The following CDH23 variants were observed in gnomAD, a reference collection of about 807,000 sequenced individuals.
CDH23 encodes the protein cadherin-23.
In CDH23, 189 loss-of-function variants were observed where a neutral mutation model predicts 317.1. The ratio of observed to expected loss-of-function variants is 0.60; its 90% CI spans 0.53 to 0.67. The LOEUF (loss-of-function observed/expected upper bound fraction) is 0.67. Among genes scored for constraint, CDH23 ranks in the 30% least tolerant of loss-of-function variants. CDH23 has a pLI of 0.00. For synonymous variants in CDH23, 1,839 were observed against 1,876.8 expected (o/e 0.98, Z 0.52); for missense variants, 4,401 against 4,592.4 (o/e 0.96, Z 1.20).
chr10:71,792,461 T>G (rs1192174992), intron 47 of CDH23, among the ~76,000 whole-genome samples: 1 of 152,186 alleles, frequency 6.6e-6, no homozygotes, highest in East Asian at 1.9e-4. Context: ...TTTCTATGCA[T>G]GCTAATTTAA....
intron 11 of CDH23, among the ~76,000 whole-genome samples, chr10:71,639,184 C>T (rs547364092): frequency 2.0e-5 from 3 of 152,370 alleles, no homozygotes; most frequent in South Asian, 4.1e-4. Flanking sequence ...CATCGCCTCT[C>T]TCAGCTGGAG....
At chr10:71,417,972 T>A (rs1267551461) in intron 1 of CDH23, among the ~76,000 whole-genome samples, 1 of 152,258 alleles carries the variant, frequency 6.6e-6, no homozygotes, top group African/African-American at 2.4e-5. Flanking sequence ...CTGTATCTAA[T>A]TCACTGTTAA....
At position 71,674,817 on chromosome 10, in the gene CDH23, AC is replaced by A. The variant is rs200015656; in HGVS notation, c.1450-290del. 2.6e-5 allele frequency among the ~76,000 whole-genome samples: 4 copies of A among 152,236 alleles called. No homozygotes were observed. The East Asian group carries it at 7.7e-4, about 29-fold the overall frequency. On this transcript the variant is annotated intron_variant, in intron 14 of 69. Transcript: ENST00000224721. ...CAATATTCCAAGCCACAAAAGCCAA[AC>A]CCCCATTAAAACTTTAGGTCAGGGG...
Position 71,730,613 on chromosome 10 carries a change from G to T in CDH23, c.3715+9G>T. On this transcript the variant is annotated intron_variant, in intron 31 of 69. Transcript: ENST00000224721. The stretch of plus-strand genomic sequence containing the variant: ...CACAGACCGAGACTCTGGTGAGGCT[G>T]GCAGGAGGAAGCCGGGGATCCCATT... 1 of 1,613,626 alleles carries T rather than the reference G, an allele frequency of 6.2e-7. No individual in the cohort carries two copies. Among genetic ancestry groups the T allele is most frequent in the Admixed American group, 1.7e-5 (1 of 60,022 alleles).
intron 60 of CDH23, among the ~76,000 whole-genome samples, chr10:71,808,422 C>A (rs1273517121): frequency 6.6e-6 from 1 of 152,178 alleles, no homozygotes; most frequent in Non-Finnish European, 1.5e-5. Context: ...ACCTACCCAT[C>A]TTCCCACTCT....
chr10:71,595,795 G>A (rs2132459781), intron 9 of CDH23, among the ~76,000 whole-genome samples: 1 of 152,292 alleles, frequency 6.6e-6, no homozygotes, highest in African/African-American at 2.4e-5. Context: ...GGACTGCCCA[G>A]GTTATGCGTG....
chr10:71,469,610 C>G (rs1564600076), intron 3 of CDH23, among the ~76,000 whole-genome samples: 2 of 148,956 alleles, frequency 1.3e-5, no homozygotes, highest in East Asian at 2.0e-4. Context: ...TTGTGTCCCC[C>G]CCTTGTTTTT....
chr10:71,697,872 G>A (rs1389397625), intron 22 of CDH23, among the ~76,000 whole-genome samples: 3 of 152,332 alleles, frequency 2.0e-5, no homozygotes, highest in African/African-American at 7.2e-5. Context: ...AGCGGGTGTG[G>A]CTGTTCCACC....
intron 3 of CDH23, among the ~76,000 whole-genome samples, chr10:71,477,906 T>C (rs1851875796): frequency 6.6e-6 from 1 of 152,092 alleles, no homozygotes; most frequent in Non-Finnish European, 1.5e-5. Context: ...ATGCCACATT[T>C]CTCCTATCAC....
intron 38 of CDH23, chr10:71,773,543 C>G (rs992169544): frequency 2.1e-5 from 25 of 1,165,420 alleles, no homozygotes; most frequent in Non-Finnish European, 2.9e-5. Flanking sequence ...GTGAGCGCTG[C>G]GGGCGGCCCC....
chr10:71,662,524 G>A (rs919751427), intron 14 of CDH23, among the ~76,000 whole-genome samples: 5 of 152,218 alleles, frequency 3.3e-5, no homozygotes, highest in Admixed American at 6.5e-5. Flanking sequence ...GGTAGGAGGC[G>A]TCATTACCAG....
intron 11 of CDH23, among the ~76,000 whole-genome samples, chr10:71,628,995 C>T (rs1448717423): frequency 6.6e-6 from 1 of 152,188 alleles, no homozygotes; most frequent in African/African-American, 2.4e-5. Flanking sequence ...GGAAGAGAGG[C>T]CTGGTGGCTA....
At chr10:71,491,103 C>T (rs988883504) in intron 3 of CDH23, among the ~76,000 whole-genome samples, 1 of 152,206 alleles carries the variant, frequency 6.6e-6, no homozygotes, top group East Asian at 1.9e-4. Context: ...GCACCAAATG[C>T]ATCGATTGGG....
chr10:71,620,702 C>T (rs1363287254), intron 11 of CDH23, among the ~76,000 whole-genome samples: 3 of 152,322 alleles, frequency 2.0e-5, no homozygotes, highest in Middle Eastern at 3.4e-3. Flanking sequence ...GGCCTGGCCT[C>T]CTCTTCTCCA....
intron 11 of CDH23, among the ~76,000 whole-genome samples, chr10:71,641,614 G>A (rs764207110): frequency 6.6e-6 from 1 of 152,236 alleles, no homozygotes; most frequent in Non-Finnish European, 1.5e-5. Context: ...AAAGTTACAG[G>A]CCTCAACCCA....
intron 55 of CDH23, among the ~76,000 whole-genome samples, chr10:71,803,935 A>G (rs947835783): frequency 1.1e-4 from 17 of 150,216 alleles, no homozygotes; most frequent in Non-Finnish European, 1.6e-4. Context: ...CAGTGAGCCA[A>G]GATCACACCA....
intron 38 of CDH23, among the ~76,000 whole-genome samples, chr10:71,757,817 G>A (rs572685044): frequency 2.6e-5 from 4 of 152,310 alleles, no homozygotes; most frequent in African/African-American, 9.6e-5. Flanking sequence ...GGTGAAAGCA[G>A]ACAGCACATT....
chr10:71,760,199 ATATATATGTGTG>A (rs1168353058), intron 38 of CDH23, among the ~76,000 whole-genome samples: 1 of 60,824 alleles, frequency 1.6e-5, no homozygotes, highest in African/African-American at 9.3e-5. Context: ...ATGTATATAC[ATATATATGTGTG>A]TATATATGTG....
rs183604634 is a variant in CDH23 at position 71,487,073 on chromosome 10, C to T, written c.146-23009C>T. Among the ~76,000 whole-genome samples, 17 of 152,266 alleles carry T rather than the reference C, an allele frequency of 1.1e-4. No homozygotes were observed. In the East Asian group the frequency reaches 3.3e-3, roughly 29 times the overall value. ...CCACCTCCCCAAGGTGCATCTAGAA[C>T]CAGCTGTTTCCCCTGCCTGGAATGG... On this transcript the variant is annotated intron_variant, in intron 3 of 69. Coordinates refer to ENST00000224721, the MANE Select transcript of CDH23 (RefSeq NM_022124.6).
Sources: gnomAD v4.1 joint callset for allele counts (sites outside exome capture counted in the v4.1 genomes callset) on GRCh38, gnomAD v4.1.1 for gene constraint, MANE v1.5 for transcripts, NCBI Gene and HGNC (gene_info 2026-07-23, HGNC 2026-07-21) for gene names.